The following FHIT variants were observed in gnomAD, a reference collection of about 807,000 sequenced individuals.
FHIT encodes fragile histidine triad diadenosine triphosphatase.
In FHIT, 19 loss-of-function variants were observed where a neutral mutation model predicts 17.9. The ratio of observed to expected loss-of-function variants is 1.06; its 90% CI spans 0.74 to 1.56. The LOEUF is 1.56. Ranked by LOEUF, FHIT falls within the 40% of genes most tolerant of loss-of-function variation. FHIT has a pLI of 0.00. For missense variants in FHIT, 248 were observed against 189.2 expected (o/e 1.31, Z -1.82); for synonymous variants, 81 against 69.7 (o/e 1.16, Z -0.81).
intron 3 of FHIT, among the ~76,000 whole-genome samples, chr3:61,034,650 T>C (rs114133087): frequency 1.5e-3 from 229 of 152,278 alleles, no homozygotes; most frequent in Non-Finnish European, 2.8e-3. Context: ...GGTAAAGATA[T>C]AGAGAAACTG....
At chr3:60,397,336 C>T (rs1327627316) in intron 5 of FHIT, among the ~76,000 whole-genome samples, 2 of 152,096 alleles carry the variant, frequency 1.3e-5, no homozygotes, top group Non-Finnish European at 2.9e-5. Flanking sequence ...GACCATGATG[C>T]TAATGCTTGT....
At chr3:60,890,998 T>C (rs1705489334) in intron 3 of FHIT, among the ~76,000 whole-genome samples, 1 of 152,190 alleles carries the variant, frequency 6.6e-6, no homozygotes, top group Admixed American at 6.5e-5. Context: ...AAGATCTCAT[T>C]AAAGCTTTTT....
At chr3:60,864,294 A>G (rs911106081) in intron 3 of FHIT, among the ~76,000 whole-genome samples, 1 of 152,152 alleles carries the variant, frequency 6.6e-6, no homozygotes, top group South Asian at 2.1e-4. Context: ...GATTCATACC[A>G]TCTTGCAGAT....
chr3:60,480,824 C>T (rs942053563), intron 5 of FHIT, among the ~76,000 whole-genome samples: 9 of 152,308 alleles, frequency 5.9e-5, no homozygotes, highest in Admixed American at 2.0e-4. Flanking sequence ...TCACAGCTGT[C>T]GTTGAGTGTC....
chr3:60,626,633 T>C (rs2039294533), intron 4 of FHIT, among the ~76,000 whole-genome samples: 1 of 152,090 alleles, frequency 6.6e-6, no homozygotes, highest in Admixed American at 6.5e-5. Flanking sequence ...TATAAGATTA[T>C]GCCATTTATA....
intron 3 of FHIT, among the ~76,000 whole-genome samples, chr3:60,982,276 C>T (rs1710530193): frequency 6.6e-6 from 1 of 152,212 alleles, no homozygotes; most frequent in Non-Finnish European, 1.5e-5. Context: ...GTTATAAACT[C>T]AAAGTCCACT....
intron 3 of FHIT, among the ~76,000 whole-genome samples, chr3:60,945,949 A>G (rs782404979): frequency 7.2e-5 from 11 of 152,172 alleles, no homozygotes; most frequent in South Asian, 4.1e-4. Flanking sequence ...CAGTCAGCAT[A>G]GTTGTGTGTC....
Position 61,040,428 on chromosome 3 carries a change from A to C in FHIT, c.-111+1619T>G, listed in dbSNP as rs116850128. Among the ~76,000 whole-genome samples, 133 of 152,372 alleles carry C rather than the reference A, an allele frequency of 8.7e-4. 1 individual carries two copies. The East Asian group carries it at 0.019, about 22-fold the overall frequency. On this transcript the variant is annotated intron_variant, in intron 3 of 9. Transcript: ENST00000492590. ...TGATAGGCCACCAATTTATTTGTCT[A>C]TCCAGAATGATAATGGTTTTATTAA...
At chr3:60,285,179 ATATT>A (rs1707665838) in intron 5 of FHIT, among the ~76,000 whole-genome samples, 1 of 152,118 alleles carries the variant, frequency 6.6e-6, no homozygotes, top group Non-Finnish European at 1.5e-5. Context: ...ATGTTGGTAT[ATATT>A]TATTCTGTAT....
intron 5 of FHIT, among the ~76,000 whole-genome samples, chr3:60,136,075 T>C (rs531914201): frequency 1.3e-5 from 2 of 152,300 alleles, no homozygotes; most frequent in Non-Finnish European, 2.9e-5. Context: ...GTACAGAGTC[T>C]AGACTTGCTC....
chr3:60,951,031 G>A (rs1439898552), intron 3 of FHIT, among the ~76,000 whole-genome samples: 3 of 152,216 alleles, frequency 2.0e-5, no homozygotes, highest in Admixed American at 6.5e-5. Flanking sequence ...CTAAAGACTT[G>A]GAGAAAGTCA....
chr3:59,887,003 T>C (rs1425062701), intron 8 of FHIT, among the ~76,000 whole-genome samples: 1 of 152,010 alleles, frequency 6.6e-6, no homozygotes, highest in Non-Finnish European at 1.5e-5. Flanking sequence ...CTCAAAGAAG[T>C]GAGTACCTAA....
intron 8 of FHIT, among the ~76,000 whole-genome samples, chr3:59,904,895 A>C (rs1704515286): frequency 6.6e-6 from 1 of 152,242 alleles, no homozygotes; most frequent in Admixed American, 6.5e-5. Flanking sequence ...AAATAAGTCT[A>C]AAGCAAAGAC....
chr3:61,046,218 A>G (rs993504712), intron 2 of FHIT, among the ~76,000 whole-genome samples: 3 of 152,210 alleles, frequency 2.0e-5, no homozygotes, highest in African/African-American at 7.2e-5. Flanking sequence ...TTTAGAAAAG[A>G]TCAACAAAAT....
At chr3:60,296,623 C>G (rs1442102428) in intron 5 of FHIT, among the ~76,000 whole-genome samples, 2 of 152,002 alleles carry the variant, frequency 1.3e-5, no homozygotes, top group Admixed American at 1.3e-4. Flanking sequence ...AGCCTCTTAG[C>G]AGAGTCTTTC....
At chr3:59,922,624 T>C (rs563949058) in intron 7 of FHIT, among the ~76,000 whole-genome samples, 1 of 152,210 alleles carries the variant, frequency 6.6e-6, no homozygotes, top group South Asian at 2.1e-4. Context: ...GGGGTATATA[T>C]GAGAGTTGGT....
At chr3:59,908,697 T>C (rs996091132) in intron 8 of FHIT, among the ~76,000 whole-genome samples, 2 of 152,024 alleles carry the variant, frequency 1.3e-5, no homozygotes, top group Admixed American at 1.3e-4. Flanking sequence ...TGAGAGATTA[T>C]AAGCCAGAAT....
chr3:59,789,965 C>G (rs1699479802), intron 8 of FHIT, among the ~76,000 whole-genome samples: 2 of 152,142 alleles, frequency 1.3e-5, no homozygotes, highest in African/African-American at 4.8e-5. Flanking sequence ...CCATCACTCC[C>G]AAAGCTTCCC....
intron 3 of FHIT, among the ~76,000 whole-genome samples, chr3:60,989,584 AG>A (rs1202877423): frequency 6.6e-6 from 1 of 152,230 alleles, no homozygotes; most frequent in African/African-American, 2.4e-5. Context: ...GAAGTTAGAA[AG>A]GTTAGTAAAT....
Sources: gnomAD v4.1 joint callset for allele counts (sites outside exome capture counted in the v4.1 genomes callset) on GRCh38, gnomAD v4.1.1 for gene constraint, MANE v1.5 for transcripts, NCBI Gene and HGNC (gene_info 2026-07-23, HGNC 2026-07-21) for gene names.